Variants in CPA6 observed in about 807,000 individuals in gnomAD.
CPA6 encodes the protein carboxypeptidase B.
A neutral mutation model predicts 63.3 loss-of-function variants in CPA6; 58 were observed. The ratio of observed to expected loss-of-function variants is 0.92; its 90% CI spans 0.74 to 1.14. The LOEUF (loss-of-function observed/expected upper bound fraction) is 1.14. Ranked by LOEUF, CPA6 falls within the 50% of genes most tolerant of loss-of-function variation. CPA6 has a pLI of 0.00. For missense variants in CPA6, 565 were observed against 526.6 expected, an observed-to-expected ratio of 1.07 and a Z score of -0.71; for synonymous variants, 185 against 179.0, an observed-to-expected ratio of 1.03 and a Z score of -0.27.
At chr8:67,685,032 T>G (rs1397373234) in intron 1 of CPA6, among the ~76,000 whole-genome samples, 1 of 152,122 alleles carries the variant, frequency 6.6e-6, no homozygotes, top group Non-Finnish European at 1.5e-5. Flanking sequence ...CTCTCCCCAT[T>G]GCAAGGCTTC....
chr8:67,464,498 T>G (rs183204681), intron 8 of CPA6, among the ~76,000 whole-genome samples: 269 of 152,358 alleles, frequency 1.8e-3, no homozygotes, highest in African/African-American at 6.1e-3. Context: ...TAGTTTCTTT[T>G]GCTGTGCAAA....
intron 8 of CPA6, among the ~76,000 whole-genome samples, chr8:67,473,254 G>A (rs1369473621): frequency 2.6e-5 from 4 of 152,192 alleles, no homozygotes; most frequent in African/African-American, 9.7e-5. Context: ...GCAAAAATAT[G>A]TTTAAGGTTG....
chr8:67,495,659 G>GT (rs1037500177), intron 6 of CPA6, among the ~76,000 whole-genome samples: 2 of 151,868 alleles, frequency 1.3e-5, no homozygotes, highest in Non-Finnish European at 2.9e-5. Context: ...AATGGGATGT[G>GT]TTTTTTGCTC....
chr8:67,524,573 G>A (rs1360840506), intron 2 of CPA6, among the ~76,000 whole-genome samples: 5 of 151,638 alleles, frequency 3.3e-5, no homozygotes, highest in Non-Finnish European at 7.4e-5. Flanking sequence ...ACTTGTCCAG[G>A]ATGACCTCAT....
chr8:67,511,005 GAAC>G (rs1206830415), intron 4 of CPA6, among the ~76,000 whole-genome samples: 1 of 152,162 alleles, frequency 6.6e-6, no homozygotes, highest in Non-Finnish European at 1.5e-5. Flanking sequence ...GAGATTTGCA[GAAC>G]AACAACCTGT....
At chr8:67,580,653 C>T (rs1813747341) in intron 2 of CPA6, among the ~76,000 whole-genome samples, 1 of 152,056 alleles carries the variant, frequency 6.6e-6, no homozygotes. Context: ...CATGTGTGAG[C>T]GTCTATTGAC....
chr8:67,505,905 G>C (rs990337683), intron 6 of CPA6, among the ~76,000 whole-genome samples: 34 of 151,974 alleles, frequency 2.2e-4, no homozygotes, highest in Non-Finnish European at 4.6e-4. Flanking sequence ...TGTCTTTAAT[G>C]GTTTTCTATA....
intron 8 of CPA6, among the ~76,000 whole-genome samples, chr8:67,469,241 T>C (rs1811001778): frequency 6.6e-6 from 1 of 152,180 alleles, no homozygotes; most frequent in Admixed American, 6.5e-5. Context: ...TTTAAATCAG[T>C]GGGCTTTGGG....
At chr8:67,612,467 C>T (rs1050382477) in intron 2 of CPA6, among the ~76,000 whole-genome samples, 21 of 152,194 alleles carry the variant, frequency 1.4e-4, no homozygotes, top group African/African-American at 5.1e-4. Flanking sequence ...CCTTATGCTT[C>T]ATGCTCTCTG....
At chr8:67,684,820 C>T (rs996197542) in intron 1 of CPA6, among the ~76,000 whole-genome samples, 2 of 151,986 alleles carry the variant, frequency 1.3e-5, no homozygotes, top group African/African-American at 4.8e-5. Flanking sequence ...TCCGATCAGT[C>T]TTCTTATTCT....
At chr8:67,659,202 T>C (rs1563380955) in intron 1 of CPA6, among the ~76,000 whole-genome samples, 1 of 152,182 alleles carries the variant, frequency 6.6e-6, no homozygotes, top group Non-Finnish European at 1.5e-5. Context: ...TTTCGCTCTA[T>C]AAAGGGCCTG....
At chr8:67,533,117 G>A (rs1334851691) in intron 2 of CPA6, among the ~76,000 whole-genome samples, 1 of 152,128 alleles carries the variant, frequency 6.6e-6, no homozygotes, top group Non-Finnish European at 1.5e-5. Context: ...TTAACTGGAA[G>A]AAAAACCACT....
intron 1 of CPA6, among the ~76,000 whole-genome samples, chr8:67,636,887 T>C (rs1416114845): frequency 6.6e-6 from 1 of 151,600 alleles, no homozygotes; most frequent in Non-Finnish European, 1.5e-5. Flanking sequence ...GATTATGTTT[T>C]GATGCACATG....
intron 1 of CPA6, among the ~76,000 whole-genome samples, chr8:67,717,828 G>C (rs979535303): frequency 1.3e-5 from 2 of 152,188 alleles, no homozygotes; most frequent in African/African-American, 4.8e-5. Context: ...TAGGACCATG[G>C]AGGAAGAGCT....
intron 2 of CPA6, among the ~76,000 whole-genome samples, chr8:67,578,771 A>T (rs1048884425): frequency 9.9e-5 from 15 of 152,258 alleles, no homozygotes; most frequent in African/African-American, 3.1e-4. Flanking sequence ...AATTAAAAAC[A>T]TCATTTTCAT....
At chr8:67,580,117 T>C (rs1338760454) in intron 2 of CPA6, among the ~76,000 whole-genome samples, 1 of 152,156 alleles carries the variant, frequency 6.6e-6, no homozygotes, top group African/African-American at 2.4e-5. Context: ...AAGAAGGGAA[T>C]ACAAAGGGAA....
chr8:67,492,778 G>A (rs986331981), intron 6 of CPA6, among the ~76,000 whole-genome samples: 6 of 152,084 alleles, frequency 3.9e-5, no homozygotes, highest in African/African-American at 1.4e-4. Flanking sequence ...ACTATTATTA[G>A]GTAGCGGAGT....
chr8:67,555,541 C>G (rs1813041054), intron 2 of CPA6, among the ~76,000 whole-genome samples: 1 of 152,168 alleles, frequency 6.6e-6, no homozygotes, highest in African/African-American at 2.4e-5. Context: ...TTAAATTAAA[C>G]TGGTAATTGT....
intron 2 of CPA6, among the ~76,000 whole-genome samples, chr8:67,580,570 A>T (rs79228079): frequency 6.6e-6 from 1 of 152,194 alleles, no homozygotes; most frequent in Non-Finnish European, 1.5e-5. Context: ...CTAAGTTGAT[A>T]ATAAAGTCAG....
Sources: allele counts gnomAD v4.1 joint callset (sites outside exome capture counted in the v4.1 genomes callset), GRCh38; gene constraint gnomAD v4.1.1; transcripts MANE v1.5; gene names NCBI Gene and HGNC (gene_info 2026-07-23, HGNC 2026-07-21).